The following RAP1B variants were observed in gnomAD, a reference collection of about 807,000 sequenced individuals.
RAP1B encodes the protein ras-related protein Rap-1b.
In RAP1B, 1 loss-of-function variant was observed where a neutral mutation model predicts 27.5. That is an observed-to-expected ratio of 0.04 (90% CI 0.01 to 0.17). RAP1B has a LOEUF of 0.17. Ranked by LOEUF, RAP1B falls within the 10% of genes least tolerant of loss-of-function variation. The pLI is 1.00. For synonymous variants in RAP1B, 75 were observed against 73.1 expected (o/e 1.03, Z -0.13); for missense variants, 84 against 214.8 (o/e 0.39, Z 3.81).
chr12:68,670,550 G>T lies in RAP1B; in HGVS notation c.*11301G>T, dbSNP rs1323876517. The T allele has an allele frequency of 6.6e-6, 1 of 152,156 alleles. No individual in the cohort carries two copies. Among genetic ancestry groups the T allele is most frequent in the Non-Finnish European group, 1.5e-5 (1 of 68,012 alleles). The allele number at this position is 152,156 out of a possible 1,614,324, so 9.4% of individuals were successfully genotyped here. A position where few individuals can be genotyped will look rare whatever the true frequency, so the allele number is the denominator to read the frequency against. ...GCTTCTCAGCTTACAATGGGGTTAT[G>T]TCCCAATAAGCCCATCAGAAGTCAA... On this transcript the variant is annotated 3_prime_UTR_variant, in exon 8 of 8. Transcript: ENST00000250559.
rs1874556325 is a variant in RAP1B at position 68,660,857 on chromosome 12, A to G, written c.*1608A>G. On this transcript the variant is annotated 3_prime_UTR_variant, in exon 8 of 8. Transcript: ENST00000250559. Reference sequence around the variant, plus strand: ...GGAACGATTTAACATACTTTCATGGATGTTACACTATGGATTTTTTAAAAT... The same window carrying G: ...GGAACGATTTAACATACTTTCATGGGTGTTACACTATGGATTTTTTAAAAT... 1.3e-5 allele frequency: 2 copies of G among 152,196 alleles called. No homozygotes were observed. Among genetic ancestry groups the G allele is most frequent in the South Asian group, 4.1e-4 (2 of 4,836 alleles). The allele number at this position is 152,196 out of a possible 1,614,324, so 9.4% of individuals were successfully genotyped here.
At chr12:68,614,765 A>G (rs1478021238) in intron 1 of RAP1B, among the ~76,000 whole-genome samples, 1 of 152,210 alleles carries the variant, frequency 6.6e-6, no homozygotes, top group African/African-American at 2.4e-5. Flanking sequence ...CCATCTGTAA[A>G]CAGGAGTACT....
At chr12:68,642,732 G>T (rs1004610912) in intron 1 of RAP1B, 28 of 1,076,900 alleles carry the variant, frequency 2.6e-5, no homozygotes, top group Non-Finnish European at 3.9e-5. Context: ...GCATCCACCT[G>T]CGCAGTATAT....
At position 68,667,535 on chromosome 12, in the gene RAP1B, C is replaced by A. The variant is rs377624603; in HGVS notation, c.*8286C>A. 6.6e-6 allele frequency: 1 copy of A among 152,130 alleles called. No individual in the cohort carries two copies. The highest frequency in any genetic ancestry group is 2.1e-4 in the South Asian group (1 of 4,822). The allele number at this position is 152,130 out of a possible 1,614,324, so 9.4% of individuals were successfully genotyped here. On this transcript the variant is annotated 3_prime_UTR_variant, in exon 8 of 8. Transcript: ENST00000250559. The stretch of plus-strand genomic sequence containing the variant: ...TCAGCGTTAGGGTTGGGTTTCTTGT[C>A]TCTGTAATCACTTCTCAAAAATGAA...
chr12:68,650,519 T>G (rs1235465724), intron 3 of RAP1B, 51 bp downstream of exon 3: 2 of 1,296,172 alleles, frequency 1.5e-6, no homozygotes, highest in South Asian at 3.2e-5. Context: ...TATAAATACT[T>G]ATTTTAGCTT....
In RAP1B at chr12:68,657,351, G is replaced by GTT. The variant is rs1251197690; in HGVS notation, c.*30+135_*30+136dup. On this transcript the variant is annotated intron_variant, in intron 7 of 7. Coordinates refer to ENST00000250559, the MANE Select transcript of RAP1B (RefSeq NM_001010942.3). Reference sequence around the variant, plus strand: ...GTTTATTTTTATAAGATATCCATGAGTTAGTATGCTATCTTATTAATTATT... The same window carrying GTT: ...GTTTATTTTTATAAGATATCCATGAGTTTTAGTATGCTATCTTATTAATTATT... The GTT allele has an allele frequency of 1.1e-5, 6 of 567,770 alleles. No homozygotes were observed. The South Asian group carries it at 1.5e-4, about 14-fold the overall frequency. 35.2% of individuals were successfully genotyped at this position (567,770 alleles called of 1,614,324 possible).
chr12:68,667,944 A>T lies in RAP1B; in HGVS notation c.*8695A>T, dbSNP rs757096186. On this transcript the variant is annotated 3_prime_UTR_variant, in exon 8 of 8. Transcript: ENST00000250559. ...AGCTAGCTCTTAATTTTTCAGAAAT[A>T]AGAGGACATCATTGGCCACTATCAT... is the stretch of plus-strand genomic sequence containing the variant. 4.8e-4 allele frequency: 73 copies of T among 152,206 alleles called. 1 individual carries two copies. The highest frequency in any genetic ancestry group is 8.8e-5 in the Non-Finnish European group (6 of 68,034). 9.4% of individuals were successfully genotyped at this position (152,206 alleles called of 1,614,324 possible).
chr12:68,643,540 GAAGT>G (rs1057067052), intron 1 of RAP1B, among the ~76,000 whole-genome samples: 3 of 152,094 alleles, frequency 2.0e-5, no homozygotes, highest in African/African-American at 7.2e-5. Context: ...TGTTTTCTGA[GAAGT>G]AATTAAGACT....
intron 1 of RAP1B, among the ~76,000 whole-genome samples, chr12:68,646,604 T>TA (rs1185032439): frequency 1.3e-5 from 2 of 152,206 alleles, no homozygotes; most frequent in Non-Finnish European, 2.9e-5. Context: ...AACTAGTTTT[T>TA]AGAACACTTC....
intron 1 of RAP1B, among the ~76,000 whole-genome samples, chr12:68,640,461 A>G (rs1222216795): frequency 6.6e-6 from 1 of 152,162 alleles, no homozygotes; most frequent in Non-Finnish European, 1.5e-5. Context: ...ATAGTGCCTA[A>G]CATATATTAG....
At chr12:68,631,680 G>C (rs1184090790) in intron 1 of RAP1B, among the ~76,000 whole-genome samples, 1 of 151,824 alleles carries the variant, frequency 6.6e-6, no homozygotes, top group Non-Finnish European at 1.5e-5. Context: ...TCCCTGGTAT[G>C]TTCTTTCCTG....
In RAP1B at chr12:68,661,755, G is replaced by A. The variant is rs1410078015; in HGVS notation, c.*2506G>A. ...ACTTGGAGGGCAAAATCACCCTGGT[G>A]AAGAACTACTGCTCTGGTGGGAAAC... On this transcript the variant is annotated 3_prime_UTR_variant, in exon 8 of 8. Transcript: ENST00000250559. 1.3e-5 allele frequency: 2 copies of A among 152,052 alleles called. No individual in the cohort carries two copies. The highest frequency in any genetic ancestry group is 2.4e-5 in the African/African-American group (1 of 41,374). 9.4% of individuals were successfully genotyped at this position (152,052 alleles called of 1,614,324 possible).
At chr12:68,631,514 C>A (rs975210909) in intron 1 of RAP1B, among the ~76,000 whole-genome samples, 1 of 152,124 alleles carries the variant, frequency 6.6e-6, no homozygotes, top group Non-Finnish European at 1.5e-5. Context: ...TTCACTGATA[C>A]TCAGAGATCT....
chr12:68,657,746 A>ACACACACC (rs1874311019), intron 7 of RAP1B: 1 of 142,436 alleles, frequency 7.0e-6, no homozygotes, highest in African/African-American at 2.7e-5. Context: ...ACACACACAC[A>ACACACACC]CACACACACA....
rs150517257 is a variant in RAP1B at position 68,656,386 on chromosome 12, A to G, written c.405A>G (p.Ala135=). 84 of 1,610,492 alleles carry G rather than the reference A, an allele frequency of 5.2e-5. No individual in the cohort carries two copies. The African/African-American group carries it at 9.3e-4, about 18-fold the overall frequency. Residue 135 remains alanine (A), a synonymous_variant, in exon 6 of 8, where the codon GCA becomes GCG. Transcript: ENST00000250559. ...GGAAGGAACAAGGTCAAAATCTAGC[A>G]AGACAATGGAACAACTGTGCATTCT... ...VVGKEQGQNL[A]RQWNNCAFLE... is the part of the protein sequence containing the mutation.
chr12:68,622,788 T>C (rs1327565074), intron 1 of RAP1B, among the ~76,000 whole-genome samples: 1 of 152,232 alleles, frequency 6.6e-6, no homozygotes, highest in Non-Finnish European at 1.5e-5. Flanking sequence ...GAGAATTATT[T>C]TAGTTAGAAA....
intron 1 of RAP1B, among the ~76,000 whole-genome samples, chr12:68,647,384 CCCG>C (rs1565670504): frequency 1.2e-3 from 26 of 22,486 alleles, no homozygotes; most frequent in South Asian, 2.6e-3. Context: ...CACTCCACTC[CCCG>C]CCCCCCCCCC....
At chr12:68,649,654 C>G (rs1873669949) in intron 2 of RAP1B, 1 of 152,178 alleles carries the variant, frequency 6.6e-6, no homozygotes, top group South Asian at 2.1e-4. Flanking sequence ...GGCCACCTAG[C>G]TGAGAAGTGT....
chr12:68,628,066 C>T (rs1871944340), intron 1 of RAP1B, among the ~76,000 whole-genome samples: 1 of 152,160 alleles, frequency 6.6e-6, no homozygotes, highest in Non-Finnish European at 1.5e-5. Context: ...GATTGCACCT[C>T]TGCACTCTAG....
Sources: gnomAD v4.1 joint callset for allele counts (sites outside exome capture counted in the v4.1 genomes callset) on GRCh38, gnomAD v4.1.1 for gene constraint, MANE v1.5 for transcripts, NCBI Gene and HGNC (gene_info 2026-07-23, HGNC 2026-07-21) for gene names.